MTOR: variants seen among roughly 807,000 people sequenced by gnomAD.
MTOR encodes serine/threonine-protein kinase mTOR.
MTOR carries 70 observed loss-of-function variants against 319.8 expected under a neutral mutation model. The observed-to-expected ratio is 0.22, with a 90% confidence interval of 0.18 to 0.27. The LOEUF (loss-of-function observed/expected upper bound fraction) is 0.27, where lower values mean the gene tolerates loss of function less well. Among genes scored for constraint, MTOR ranks in the 10% least tolerant of loss-of-function variants. The pLI is 1.00. For missense variants in MTOR, 1,890 were observed against 3,274.4 expected, an observed-to-expected ratio of 0.58 and a Z score of 10.32; for synonymous variants, 1,183 against 1,211.4, an observed-to-expected ratio of 0.98 and a Z score of 0.49.
chr1:11,110,229 T>A (rs1464207623), intron 54 of MTOR, among the ~76,000 whole-genome samples: 3 of 152,230 alleles, frequency 2.0e-5, no homozygotes, highest in Non-Finnish European at 2.9e-5. Context: ...GTTGAAATGT[T>A]ATTCCTTGGA....
chr1:11,237,835 TC>T lies in MTOR; in HGVS notation c.2208+7del. 1 of 1,613,796 alleles carries T rather than the reference TC, an allele frequency of 6.2e-7. No homozygotes were observed. The highest frequency in any genetic ancestry group is 8.5e-7 in the Non-Finnish European group (1 of 1,180,014). ...CCTGCCTGTGGGTCTGGCCATCACC[TC>T]GGTTACCTGGATGAGCATCTTGCGC... On this transcript the variant is annotated splice_region_variant and intron_variant, in intron 13 of 57. Transcript: ENST00000361445.
intron 36 of MTOR, among the ~76,000 whole-genome samples, chr1:11,137,152 TAA>T (rs33927011): frequency 1.1e-3 from 78 of 73,348 alleles, no homozygotes; most frequent in African/African-American, 3.6e-3. Flanking sequence ...TAAATCTGAT[TAA>T]AAAAAAAAAA....
intron 26 of MTOR, among the ~76,000 whole-genome samples, chr1:11,200,191 G>T (rs1317173670): frequency 1.3e-5 from 2 of 152,194 alleles, no homozygotes; most frequent in Non-Finnish European, 2.9e-5. Context: ...ATCATTAAAT[G>T]ATTCTTGGGA....
chr1:11,182,840 A>G (rs1645202063), intron 28 of MTOR, among the ~76,000 whole-genome samples: 1 of 152,240 alleles, frequency 6.6e-6, no homozygotes, highest in African/African-American at 2.4e-5. Context: ...CACGGTGTGA[A>G]TATACCACCA....
At chr1:11,259,492 G>A in intron 1 of MTOR, 69 bp from the exon 2 acceptor site, 1 of 1,478,782 alleles carries the variant, frequency 6.8e-7, no homozygotes, top group South Asian at 1.4e-5. Flanking sequence ...TATGGCCCTG[G>A]TCACCCAACA....
In MTOR at chr1:11,109,383, A is replaced by G. The variant is rs766621097; in HGVS notation, c.7448-13T>C. ...AAACCGTCTCCAACTGGAATACACA[A>G]AAGTAGAAATAACTGTAAGAATGGG... On this transcript the variant is annotated splice_polypyrimidine_tract_variant and intron_variant, in intron 55 of 57. Coordinates refer to ENST00000361445, the MANE Select transcript of MTOR (RefSeq NM_004958.4). The surrounding 1 kb of genome is among the most constrained non-coding windows in gnomAD (Gnocchi z 4.0). 7 of 1,612,044 alleles carry G rather than the reference A, an allele frequency of 4.3e-6. No individual in the cohort carries two copies. In the Admixed American group the frequency reaches 1.0e-4, roughly 23 times the overall value.
At chr1:11,204,840 A>G (rs1467260469) in intron 25 of MTOR, 137 bp from the exon 26 acceptor site, 4 of 1,022,328 alleles carry the variant, frequency 3.9e-6, no homozygotes, top group Non-Finnish European at 5.6e-6. Context: ...TAGAGTACAA[A>G]TACAAAAGAA....
chr1:11,190,841 G>GTTTAT lies in MTOR; in HGVS notation c.4253+8416_4253+8417insATAAA, dbSNP rs1186975875. On this transcript the variant is annotated intron_variant, in intron 28 of 57. Coordinates refer to ENST00000361445, the MANE Select transcript of MTOR (RefSeq NM_004958.4). ...CCATTGGTCCCATTATAAACTACAT[G>GTTTAT]AAGAACAAAGACATGATCAGCTTCT... 3.3e-5 allele frequency among the ~76,000 whole-genome samples: 5 copies of GTTTAT among 152,144 alleles called. No homozygotes were observed. In the East Asian group the frequency reaches 9.6e-4, roughly 29 times the overall value.
chr1:11,207,482 C>A, intron 25 of MTOR, among the ~76,000 whole-genome samples: 1 of 136,626 alleles, frequency 7.3e-6, no homozygotes, highest in Admixed American at 8.2e-5. Flanking sequence ...AATCATAGCT[C>A]ACTGCACCCT....
chr1:11,251,890 A>G (rs968718622), intron 6 of MTOR, among the ~76,000 whole-genome samples: 3 of 152,158 alleles, frequency 2.0e-5, no homozygotes, highest in Admixed American at 6.5e-5. Flanking sequence ...TCCTGTTTTA[A>G]TGGGAGGAAA....
intron 28 of MTOR, among the ~76,000 whole-genome samples, chr1:11,185,084 A>G (rs1645271627): frequency 6.6e-6 from 1 of 152,134 alleles, no homozygotes; most frequent in Admixed American, 6.5e-5. Context: ...TCACTTCTCT[A>G]GAAGGCCCTC....
intron 6 of MTOR, among the ~76,000 whole-genome samples, chr1:11,251,655 CTTTTT>C (rs761523542): frequency 8.8e-6 from 1 of 113,716 alleles, no homozygotes. Context: ...TAGATAGTTT[CTTTTT>C]TTTTTTTTTT....
At chr1:11,108,580 G>A (rs1435408691) in intron 56 of MTOR, among the ~76,000 whole-genome samples, 3 of 151,630 alleles carry the variant, frequency 2.0e-5, no homozygotes, top group Non-Finnish European at 4.4e-5. Flanking sequence ...GAGTGTGGTG[G>A]CACATGCCTG....
intron 34 of MTOR, among the ~76,000 whole-genome samples, chr1:11,142,438 G>A (rs1276726727): frequency 3.9e-5 from 6 of 152,080 alleles, no homozygotes; most frequent in East Asian, 3.9e-4. Flanking sequence ...ACAGGTGTGC[G>A]CCACCACGCC....
intron 32 of MTOR, among the ~76,000 whole-genome samples, chr1:11,146,459 T>A (rs1643932802): frequency 6.6e-6 from 1 of 152,108 alleles, no homozygotes; most frequent in South Asian, 2.1e-4. Flanking sequence ...AGACAGTAGC[T>A]TCCAGAACAC....
chr1:11,118,330 T>TGG (rs1261411352), intron 49 of MTOR, among the ~76,000 whole-genome samples: 1 of 136,360 alleles, frequency 7.3e-6, no homozygotes, highest in African/African-American at 2.7e-5. Flanking sequence ...TCTGCCTCCC[T>TGG]GGTTCAAGCG....
rs765034528 is a variant in MTOR, at chr1:11,116,984, A to C, written c.7016+20T>G. The C allele has an allele frequency of 6.3e-6, 10 of 1,583,892 alleles. No individual in the cohort carries two copies. Among genetic ancestry groups the C allele is most frequent in the Non-Finnish European group, 8.6e-6 (10 of 1,166,404 alleles). ...TACAATGGAGAAAGAAGACTAAAAAAACCAAATTAAATTACTCACCTATCT... is the reference window on the plus strand; with the variant it reads ...TACAATGGAGAAAGAAGACTAAAAACACCAAATTAAATTACTCACCTATCT... On this transcript the variant is annotated intron_variant, in intron 50 of 57. Transcript: ENST00000361445.
intron 49 of MTOR, among the ~76,000 whole-genome samples, chr1:11,119,856 T>TA (rs1376755286): frequency 6.6e-6 from 1 of 151,416 alleles, no homozygotes; most frequent in Non-Finnish European, 1.5e-5. Flanking sequence ...CTTCTAACTT[T>TA]AAAAAATGCC....
chr1:11,167,232 C>A (rs1300726619), intron 29 of MTOR, among the ~76,000 whole-genome samples: 1 of 150,922 alleles, frequency 6.6e-6, no homozygotes, highest in East Asian at 1.9e-4. Flanking sequence ...TACCCTAGAA[C>A]TTAAAGTATA....
Sources: gnomAD v4.1 joint callset for allele counts (sites outside exome capture counted in the v4.1 genomes callset) on GRCh38, gnomAD v4.1.1 for gene constraint, Gnocchi (gnomAD v3.1) non-coding constraint, MANE v1.5 for transcripts, NCBI Gene and HGNC (gene_info 2026-07-23, HGNC 2026-07-21) for gene names.